The following MACROD2 variants were observed in gnomAD, a reference collection of about 807,000 sequenced individuals.
MACROD2 encodes the protein ADP-ribose glycohydrolase MACROD2.
MACROD2 carries 36 observed loss-of-function variants against 70.4 expected under a neutral mutation model. The observed-to-expected ratio is 0.51, with a 90% confidence interval of 0.39 to 0.68. The LOEUF (loss-of-function observed/expected upper bound fraction) is 0.68. Ranked by LOEUF, MACROD2 falls within the 30% of genes least tolerant of loss-of-function variation. The pLI is 0.00. For missense variants in MACROD2, 496 were observed against 538.4 expected (o/e 0.92, Z 0.78); for synonymous variants, 172 against 178.8 (o/e 0.96, Z 0.30).
At chr20:15,187,306 T>G (rs906806712) in intron 5 of MACROD2, among the ~76,000 whole-genome samples, 3 of 152,194 alleles carry the variant, frequency 2.0e-5, no homozygotes, top group African/African-American at 7.2e-5. Flanking sequence ...AAAATATGCC[T>G]TACATCAAAC....
intron 5 of MACROD2, among the ~76,000 whole-genome samples, chr20:15,192,530 C>G (rs1390883208): frequency 6.6e-6 from 1 of 152,182 alleles, no homozygotes; most frequent in East Asian, 1.9e-4. Flanking sequence ...CCTCTGCCAC[C>G]TCATATGTCC....
chr20:14,695,408 A>G (rs542211055), intron 5 of MACROD2, among the ~76,000 whole-genome samples: 4 of 152,290 alleles, frequency 2.6e-5, no homozygotes, highest in Admixed American at 2.6e-4. Flanking sequence ...GATCATCTCA[A>G]GGTCTCAAGA....
intron 5 of MACROD2, among the ~76,000 whole-genome samples, chr20:15,224,239 C>T (rs2076885827): frequency 6.6e-6 from 1 of 152,232 alleles, no homozygotes; most frequent in South Asian, 2.1e-4. Flanking sequence ...TGTTAAACCA[C>T]CACGTTTTGT....
chr20:15,037,454 G>T (rs527294527), intron 5 of MACROD2, among the ~76,000 whole-genome samples: 2 of 152,312 alleles, frequency 1.3e-5, no homozygotes, highest in African/African-American at 4.8e-5. Flanking sequence ...CCCAGAGCAG[G>T]TACTGCTGTT....
At chr20:14,764,927 C>G (rs2072066479) in intron 5 of MACROD2, among the ~76,000 whole-genome samples, 1 of 152,026 alleles carries the variant, frequency 6.6e-6, no homozygotes, top group Non-Finnish European at 1.5e-5. Flanking sequence ...TTTCTCCACC[C>G]TGTCCAGCTA....
At chr20:15,780,616 ACTTT>A (rs2051815063) in intron 8 of MACROD2, among the ~76,000 whole-genome samples, 1 of 152,178 alleles carries the variant, frequency 6.6e-6, no homozygotes, top group African/African-American at 2.4e-5. Context: ...CCTAAATGTC[ACTTT>A]GAAAGATCAT....
intron 7 of MACROD2, among the ~76,000 whole-genome samples, chr20:15,482,709 C>T (rs550331043): frequency 6.6e-6 from 1 of 152,120 alleles, no homozygotes; most frequent in South Asian, 2.1e-4. Context: ...CCCTGTTGTT[C>T]CACATTCTTA....
chr20:15,614,117 CTT>C (rs2049006302), intron 8 of MACROD2, among the ~76,000 whole-genome samples: 1 of 152,176 alleles, frequency 6.6e-6, no homozygotes, highest in African/African-American at 2.4e-5. Context: ...GCTGTGTGAT[CTT>C]GAAAAGTCAC....
At chr20:15,777,501 C>T (rs2051743846) in intron 8 of MACROD2, among the ~76,000 whole-genome samples, 1 of 66,218 alleles carries the variant, frequency 1.5e-5, no homozygotes, top group Non-Finnish European at 2.7e-5. Flanking sequence ...TTTTTTCCTT[C>T]CTTCCTTCTT....
intron 3 of MACROD2, among the ~76,000 whole-genome samples, chr20:14,154,891 C>T (rs2055078082): frequency 6.6e-6 from 1 of 152,082 alleles, no homozygotes. Context: ...ATTTATAATG[C>T]ATGTCATAAT....
chr20:15,747,260 A>G (rs2051197590), intron 8 of MACROD2, among the ~76,000 whole-genome samples: 1 of 152,154 alleles, frequency 6.6e-6, no homozygotes, highest in South Asian at 2.1e-4. Context: ...GAGTAAGAAC[A>G]TGGCCAGCTG....
intron 6 of MACROD2, among the ~76,000 whole-genome samples, chr20:15,352,301 A>G (rs2078236345): frequency 6.6e-6 from 1 of 152,158 alleles, no homozygotes; most frequent in Admixed American, 6.5e-5. Flanking sequence ...CCTAAGCATA[A>G]GTGTGAGGGT....
intron 4 of MACROD2, chr20:14,547,193 TCTTA>T (rs1457928952): frequency 2.2e-5 from 9 of 408,584 alleles, no homozygotes; most frequent in Non-Finnish European, 3.4e-5. Flanking sequence ...GCTCAATTAA[TCTTA>T]TAGGATGTAA....
At chr20:15,480,388 G>A (rs2047081318) in intron 7 of MACROD2, among the ~76,000 whole-genome samples, 1 of 152,090 alleles carries the variant, frequency 6.6e-6, no homozygotes, top group Non-Finnish European at 1.5e-5. Flanking sequence ...GACAGAACCT[G>A]GGATTCTGTG....
In MACROD2 at chr20:14,552,501, T is replaced by C. The variant is rs751393179; in HGVS notation, c.301+58993T>C. ...AGACTTTGTTGGGCTTCAGCATCAGTAGAGAGTCTTATTAAAAACACTGTC... is the reference window on the plus strand; with the variant it reads ...AGACTTTGTTGGGCTTCAGCATCAGCAGAGAGTCTTATTAAAAACACTGTC... On this transcript the variant is annotated intron_variant, in intron 4 of 17. Transcript: ENST00000684519. Among the ~76,000 whole-genome samples, 7 of 151,618 alleles carry C rather than the reference T, an allele frequency of 4.6e-5. 1 individual carries two copies. The highest frequency in any genetic ancestry group is 3.2e-3 in the Middle Eastern group (1 of 316).
At chr20:15,573,128 G>A (rs2048397612) in intron 8 of MACROD2, among the ~76,000 whole-genome samples, 2 of 152,138 alleles carry the variant, frequency 1.3e-5, no homozygotes, top group African/African-American at 4.8e-5. Context: ...TAACTGCAAT[G>A]TGTTGGCATA....
At chr20:14,548,717 C>CAAAA (rs769527111) in intron 4 of MACROD2, among the ~76,000 whole-genome samples, 6 of 89,238 alleles carry the variant, frequency 6.7e-5, no homozygotes, top group African/African-American at 3.2e-4. Flanking sequence ...GACTCCGTCT[C>CAAAA]AAAAAAAAAA....
At chr20:14,898,466 C>G (rs368686275) in intron 5 of MACROD2, among the ~76,000 whole-genome samples, 2 of 152,118 alleles carry the variant, frequency 1.3e-5, no homozygotes, top group African/African-American at 4.8e-5. Flanking sequence ...CCGTGGCTCA[C>G]GCGTATAATC....
intron 7 of MACROD2, among the ~76,000 whole-genome samples, chr20:15,479,336 G>A (rs2047064714): frequency 1.4e-5 from 2 of 146,500 alleles, no homozygotes; most frequent in Admixed American, 1.4e-4. Flanking sequence ...GCAGTGGCGG[G>A]ATCTCGGCTC....
Sources: allele counts gnomAD v4.1 joint callset (sites outside exome capture counted in the v4.1 genomes callset), GRCh38; gene constraint gnomAD v4.1.1; transcripts MANE v1.5; gene names NCBI Gene and HGNC (gene_info 2026-07-23, HGNC 2026-07-21).